Variants in CPEB3 observed in about 807,000 individuals in gnomAD.
CPEB3 encodes cytoplasmic polyadenylation element binding protein 3.
A neutral mutation model predicts 67.2 loss-of-function variants in CPEB3; 20 were observed. That is an observed-to-expected ratio of 0.30 (90% CI 0.21 to 0.43). The LOEUF (loss-of-function observed/expected upper bound fraction) is 0.43, where lower values mean the gene tolerates loss of function less well. CPEB3 is among the 20% of genes least tolerant of loss of function. The probability of loss-of-function intolerance (pLI) is 1.00; values close to 1 mark genes in which losing one functional copy is unlikely to be tolerated. For synonymous variants in CPEB3, 376 were observed against 393.1 expected, an observed-to-expected ratio of 0.96 and a Z score of 0.51; for missense variants, 746 against 968.6, an observed-to-expected ratio of 0.77 and a Z score of 3.05.
At chr10:92,216,364 C>G in intron 2 of CPEB3, 2 of 1,610,572 alleles carry the variant, frequency 1.2e-6, no homozygotes, top group Admixed American at 1.7e-5. Context: ...CCGAAGGGCC[C>G]GAGGCTCAGG....
chr10:92,181,010 C>T lies in CPEB3; in HGVS notation c.1175G>A (p.Gly392Glu). The T allele has an allele frequency of 6.7e-7, 1 of 1,500,830 alleles. No homozygotes were observed. Among genetic ancestry groups the T allele is most frequent in the Non-Finnish European group, 9.3e-7 (1 of 1,078,832 alleles). 93.0% of individuals were successfully genotyped at this position (1,500,830 alleles called of 1,614,324 possible). A position where few individuals can be genotyped will look rare whatever the true frequency, so the allele number is the denominator to read the frequency against. Residue 392 changes from glycine (G) to glutamate (E), a missense_variant, in exon 4 of 10, where the codon GGG becomes GAG. Around this residue, in one of 2 missense-constraint regions of CPEB3, gnomAD observed 643 missense variants for 717.5 expected, o/e 0.90. Coordinates refer to ENST00000265997, the MANE Select transcript of CPEB3 (RefSeq NM_014912.5). Reference protein sequence around the residue: ...MWRNHFAGRMGINFHHPGTDN... With the variant: ...MWRNHFAGRMEINFHHPGTDN... ...TGTTCCTGGATGATGGAAATTTATC[C>T]CCATGCGTCCTAAAAAATAAAATAA...
intron 7 of CPEB3, among the ~76,000 whole-genome samples, chr10:92,098,756 A>AT (rs1844017836): frequency 7.1e-6 from 1 of 140,954 alleles, no homozygotes. Flanking sequence ...CAGTTTAACT[A>AT]TTTTTCTTTT....
chr10:92,121,660 C>A (rs1179525272), intron 6 of CPEB3, among the ~76,000 whole-genome samples: 2 of 144,960 alleles, frequency 1.4e-5, no homozygotes, highest in Admixed American at 7.1e-5. Flanking sequence ...GTTTCAAGTA[C>A]CAACTACAAA....
intron 2 of CPEB3, among the ~76,000 whole-genome samples, chr10:92,193,459 C>G (rs1849078834): frequency 6.6e-6 from 1 of 151,698 alleles, no homozygotes; most frequent in African/African-American, 2.4e-5. Flanking sequence ...CAGAGAAAGA[C>G]CACAATTTTT....
At chr10:92,173,443 A>G (rs1214457000) in intron 4 of CPEB3, among the ~76,000 whole-genome samples, 1 of 152,224 alleles carries the variant, frequency 6.6e-6, no homozygotes, top group Non-Finnish European at 1.5e-5. Flanking sequence ...TAGGTTTACC[A>G]TTCTATTTTT....
chr10:92,237,376 T>A (rs1444005959), intron 2 of CPEB3, among the ~76,000 whole-genome samples: 1 of 152,236 alleles, frequency 6.6e-6, no homozygotes, highest in East Asian at 1.9e-4. Flanking sequence ...TCCAATAGCA[T>A]CACCAGGGAT....
intron 7 of CPEB3, 151 bp downstream of exon 7, chr10:92,110,925 C>T: frequency 1.5e-6 from 1 of 687,868 alleles, no homozygotes; most frequent in East Asian, 2.5e-5. Flanking sequence ...AGTTTCCCAT[C>T]ACCAACGAAA....
chr10:92,110,664 C>A (rs1453994556), intron 7 of CPEB3, among the ~76,000 whole-genome samples: 1 of 152,180 alleles, frequency 6.6e-6, no homozygotes, highest in Non-Finnish European at 1.5e-5. Context: ...TGGGTACCAC[C>A]CAGCACAATG....
intron 1 of CPEB3, among the ~76,000 whole-genome samples, chr10:92,283,025 T>TGG: frequency 6.6e-6 from 1 of 152,268 alleles, no homozygotes; most frequent in East Asian, 1.9e-4. Context: ...CCAAGGCAGG[T>TGG]GGATCACTTC....
chr10:92,146,775 C>T (rs1846702591), intron 4 of CPEB3, among the ~76,000 whole-genome samples: 1 of 152,130 alleles, frequency 6.6e-6, no homozygotes. Flanking sequence ...CTTTTTTAGC[C>T]TGGCAGCAAC....
At chr10:92,151,249 A>G (rs1237650332) in intron 4 of CPEB3, among the ~76,000 whole-genome samples, 1 of 152,192 alleles carries the variant, frequency 6.6e-6, no homozygotes, top group East Asian at 1.9e-4. Flanking sequence ...GCTCCCACCA[A>G]GGCCTCTGCC....
chr10:92,272,158 C>A (rs561283620), intron 1 of CPEB3: 1 of 152,172 alleles, frequency 6.6e-6, no homozygotes, highest in South Asian at 2.1e-4. Flanking sequence ...TAAGACTAGT[C>A]AAGTGTGATA....
intron 4 of CPEB3, among the ~76,000 whole-genome samples, chr10:92,168,396 T>G (rs953728301): frequency 6.6e-6 from 1 of 152,180 alleles, no homozygotes; most frequent in East Asian, 1.9e-4. Flanking sequence ...AAGTATGAGA[T>G]AAAAGAATAA....
chr10:92,240,795 G>A (rs1174923946), intron 1 of CPEB3, among the ~76,000 whole-genome samples: 5 of 152,058 alleles, frequency 3.3e-5, no homozygotes, highest in African/African-American at 1.2e-4. Flanking sequence ...GCGTCCTTCA[G>A]CAAGGTTAAA....
At chr10:92,119,087 A>T (rs1845194889) in intron 6 of CPEB3, 1 of 1,583,532 alleles carries the variant, frequency 6.3e-7, no homozygotes, top group Admixed American at 1.7e-5. Context: ...AGGCCTGAAG[A>T]TTCCCCAGCT....
At chr10:92,125,093 G>A (rs950474257) in intron 6 of CPEB3, among the ~76,000 whole-genome samples, 5 of 152,260 alleles carry the variant, frequency 3.3e-5, no homozygotes, top group Admixed American at 1.3e-4. Flanking sequence ...CCTAGCCAGT[G>A]CAGAGGACGT....
intron 1 of CPEB3, among the ~76,000 whole-genome samples, chr10:92,262,236 CATTAT>C (rs1384524143): frequency 3.3e-5 from 5 of 152,136 alleles, no homozygotes; most frequent in Non-Finnish European, 7.3e-5. Flanking sequence ...AGGGTATCAA[CATTAT>C]ATTATGGAGA....
intron 8 of CPEB3, 116 bp downstream of exon 8, chr10:92,091,714 T>G: frequency 5.0e-6 from 3 of 596,584 alleles, no homozygotes; most frequent in Non-Finnish European, 5.8e-6. Flanking sequence ...GATGACAGCC[T>G]TCTTTTTGGA....
At chr10:92,203,836 G>C (rs1373680449) in intron 2 of CPEB3, among the ~76,000 whole-genome samples, 1 of 152,016 alleles carries the variant, frequency 6.6e-6, no homozygotes, top group African/African-American at 2.4e-5. Flanking sequence ...AAACCTAAAC[G>C]AGACAGTAGT....
Sources: allele counts gnomAD v4.1 joint callset (sites outside exome capture counted in the v4.1 genomes callset), GRCh38; gene constraint gnomAD v4.1.1; regional missense constraint gnomAD v4.1.1; transcripts MANE v1.5; gene names NCBI Gene and HGNC (gene_info 2026-07-23, HGNC 2026-07-21).